Variants in MYO3A observed in about 807,000 individuals in gnomAD.
MYO3A encodes myosin IIIA, also known as myosin-IIIa.
MYO3A carries 180 observed loss-of-function variants against 192.7 expected under a neutral mutation model. That is an observed-to-expected ratio of 0.93 (90% CI 0.83 to 1.06). MYO3A has a LOEUF of 1.06. MYO3A is among the 50% of genes least tolerant of loss of function. The pLI is 0.00. For missense variants in MYO3A, 1,896 were observed against 1,905.0 expected (o/e 1.00, Z 0.09); for synonymous variants, 628 against 645.3 (o/e 0.97, Z 0.41).
intron 4 of MYO3A, among the ~76,000 whole-genome samples, chr10:25,972,170 T>C (rs915829552): frequency 5.3e-5 from 8 of 152,188 alleles, no homozygotes; most frequent in African/African-American, 1.9e-4. Flanking sequence ...TTCCTTCTTC[T>C]TTTTTTCATA....
intron 20 of MYO3A, among the ~76,000 whole-genome samples, chr10:26,130,257 A>G (rs1839454791): frequency 6.6e-6 from 1 of 152,004 alleles, no homozygotes; most frequent in African/African-American, 2.4e-5. Context: ...GGCATGCACC[A>G]CCACACCTGG....
intron 33 of MYO3A, chr10:26,202,678 C>T (rs1843729015): frequency 5.3e-6 from 2 of 374,840 alleles, no homozygotes; most frequent in Non-Finnish European, 5.0e-6. Flanking sequence ...ACTGCAATCA[C>T]TGGCTATTCT....
chr10:26,108,810 G>C (rs1410065470), intron 17 of MYO3A, among the ~76,000 whole-genome samples: 5 of 152,176 alleles, frequency 3.3e-5, no homozygotes, highest in Non-Finnish European at 5.9e-5. Context: ...ATGTTTTCAA[G>C]ACCTTACCCC....
At chr10:26,178,887 C>T (rs1371831809) in intron 31 of MYO3A, among the ~76,000 whole-genome samples, 5 of 150,328 alleles carry the variant, frequency 3.3e-5, no homozygotes, top group East Asian at 2.0e-4. Context: ...CTGCAAGCTC[C>T]GCCTCCCAGG....
rs149009588 is a variant in MYO3A at position 26,199,446 on chromosome 10, G to A, written c.4546-1819G>A. Among the ~76,000 whole-genome samples, 26 of 152,206 alleles carry A rather than the reference G, an allele frequency of 1.7e-4. No homozygotes were observed. The East Asian group carries it at 4.8e-3, about 28-fold the overall frequency. On this transcript the variant is annotated intron_variant, in intron 32 of 34. Coordinates refer to ENST00000642920, the MANE Select transcript of MYO3A (RefSeq NM_017433.5). ...GTCATGACTATAGTCCCAGCTACAA[G>A]GATGGCTAAGGTGGGAGGATCACTA... is the stretch of plus-strand genomic sequence containing the variant.
At chr10:26,204,462 T>C (rs1843816200) in intron 34 of MYO3A, 1 of 152,234 alleles carries the variant, frequency 6.6e-6, no homozygotes, top group African/African-American at 2.4e-5. Flanking sequence ...TGTCTATGGG[T>C]GTTATTTAGT....
intron 10 of MYO3A, among the ~76,000 whole-genome samples, chr10:26,061,007 C>T (rs570289978): frequency 1.4e-4 from 21 of 152,154 alleles, no homozygotes; most frequent in Admixed American, 6.5e-4. Context: ...CAGCTCACTG[C>T]AAGCTCCGCC....
At chr10:26,075,179 G>A (rs1835450272) in intron 14 of MYO3A, among the ~76,000 whole-genome samples, 1 of 151,786 alleles carries the variant, frequency 6.6e-6, no homozygotes, top group Non-Finnish European at 1.5e-5. Flanking sequence ...AAGTAATGAT[G>A]GCTCTAAATT....
At chr10:25,999,488 A>C (rs1840646896) in intron 6 of MYO3A, among the ~76,000 whole-genome samples, 1 of 152,210 alleles carries the variant, frequency 6.6e-6, no homozygotes, top group South Asian at 2.1e-4. Context: ...GTACATTTAT[A>C]CTGAAAATTC....
At chr10:25,940,939 G>C (rs1477530435) in intron 2 of MYO3A, among the ~76,000 whole-genome samples, 1 of 152,062 alleles carries the variant, frequency 6.6e-6, no homozygotes, top group Non-Finnish European at 1.5e-5. Context: ...TCCTGAATTG[G>C]AGTGTTCTAC....
At chr10:25,934,602 G>A (rs1835920797) in intron 1 of MYO3A, among the ~76,000 whole-genome samples, 1 of 151,606 alleles carries the variant, frequency 6.6e-6, no homozygotes, top group Non-Finnish European at 1.5e-5. Flanking sequence ...CGAGCTGGAT[G>A]GGAGAGCTCG....
intron 23 of MYO3A, among the ~76,000 whole-genome samples, chr10:26,148,855 T>C (rs1418368226): frequency 6.6e-6 from 1 of 152,216 alleles, no homozygotes; most frequent in Non-Finnish European, 1.5e-5. Flanking sequence ...GCTAAGCTCA[T>C]TTATCAGGGT....
intron 10 of MYO3A, among the ~76,000 whole-genome samples, chr10:26,032,088 A>T (rs548268808): frequency 1.4e-4 from 22 of 152,182 alleles, no homozygotes; most frequent in Non-Finnish European, 2.8e-4. Flanking sequence ...TGATATTTAT[A>T]GATTGTTATA....
intron 4 of MYO3A, among the ~76,000 whole-genome samples, chr10:25,991,498 G>A (rs9732131): frequency 0.095 from 14,442 of 152,062 alleles, 1,215 homozygotes; most frequent in African/African-American, 0.22. Flanking sequence ...CTTTTGCTGT[G>A]CAGAAGCTCT....
chr10:26,210,168 G>A (rs995404477), intron 34 of MYO3A, among the ~76,000 whole-genome samples: 2 of 151,110 alleles, frequency 1.3e-5, no homozygotes, highest in Admixed American at 6.6e-5. Context: ...GGAAGGAAGG[G>A]AGGGAGGGAA....
Position 26,193,188 on chromosome 10 carries a change from G to GT in MYO3A, c.4439-17_4439-16insT. On this transcript the variant is annotated splice_polypyrimidine_tract_variant and intron_variant, in intron 31 of 34. Coordinates refer to ENST00000642920, the MANE Select transcript of MYO3A (RefSeq NM_017433.5). ...TATTTGTAATTAAATACTTGTTTATGATCACCTTTCTTATAGGTGTCTGTA... is the reference window on the plus strand; with the variant it reads ...TATTTGTAATTAAATACTTGTTTATGTATCACCTTTCTTATAGGTGTCTGTA... The GT allele has an allele frequency of 6.4e-7, 1 of 1,556,014 alleles. No individual in the cohort carries two copies. The highest frequency in any genetic ancestry group is 8.9e-7 in the Non-Finnish European group (1 of 1,127,532).
chr10:26,125,124 A>G (rs896989896), intron 18 of MYO3A, among the ~76,000 whole-genome samples: 13 of 151,934 alleles, frequency 8.6e-5, no homozygotes, highest in African/African-American at 3.1e-4. Flanking sequence ...ATAAACAACC[A>G]CTCGCTTATG....
chr10:26,208,810 C>T (rs1039603593), intron 34 of MYO3A, among the ~76,000 whole-genome samples: 3 of 152,192 alleles, frequency 2.0e-5, no homozygotes, highest in African/African-American at 4.8e-5. Flanking sequence ...CTGCAGGCTA[C>T]GTTCTAGACC....
intron 25 of MYO3A, among the ~76,000 whole-genome samples, chr10:26,155,402 T>TC (rs1241841308): frequency 6.6e-6 from 1 of 152,224 alleles, no homozygotes; most frequent in African/African-American, 2.4e-5. Context: ...TACTTTTTTT[T>TC]CCTCTGTGCT....
Sources: gnomAD v4.1 joint callset for allele counts (sites outside exome capture counted in the v4.1 genomes callset) on GRCh38, gnomAD v4.1.1 for gene constraint, MANE v1.5 for transcripts, NCBI Gene and HGNC (gene_info 2026-07-23, HGNC 2026-07-21) for gene names.